Variants in CNTNAP1 observed in about 807,000 individuals in gnomAD.
CNTNAP1 encodes contactin associated protein 1, also known as contactin-associated protein 1.
Under a neutral mutation model 161.5 loss-of-function variants are expected in CNTNAP1, and 80 were observed. That is an observed-to-expected ratio of 0.50 (90% CI 0.41 to 0.60). The LOEUF (loss-of-function observed/expected upper bound fraction) is 0.60, where lower values mean the gene tolerates loss of function less well. Among genes scored for constraint, CNTNAP1 ranks in the 20% least tolerant of loss-of-function variants. CNTNAP1 has a pLI of 0.00. For missense variants in CNTNAP1, 1,464 were observed against 1,854.8 expected (o/e 0.79, Z 3.87); for synonymous variants, 695 against 733.1 (o/e 0.95, Z 0.84).
chr17:42,689,425 G>A (rs2143659619), intron 10 of CNTNAP1, 96 bp from the exon 11 acceptor site: 5 of 965,264 alleles, frequency 5.2e-6, no homozygotes, highest in Non-Finnish European at 7.9e-6. Context: ...CCGGGTTCTG[G>A]GGCTTCAAGG....
Position 42,687,171 on chromosome 17 carries a change from C to T in CNTNAP1, c.1044+125C>T, listed in dbSNP as rs2053029127. On this transcript the variant is annotated intron_variant, in intron 7 of 23. Coordinates refer to ENST00000264638, the MANE Select transcript of CNTNAP1 (RefSeq NM_003632.3). This position sits in a 1 kb window ranked among gnomAD's most constrained non-coding sequence, Gnocchi z 4.7. ...GAATCCCTCTGTCCCCAGCCAGATG[C>T]TCAAGTTGGGAGGGGAGCGGGTCTC... 2.0e-5 allele frequency: 27 copies of T among 1,375,178 alleles called. No homozygotes were observed. Among genetic ancestry groups the T allele is most frequent in the Admixed American group, 1.1e-4 (5 of 44,244 alleles). The allele number at this position is 1,375,178 out of a possible 1,614,324, so 85.2% of individuals were successfully genotyped here.
chr17:42,687,173 C>G lies in CNTNAP1; in HGVS notation c.1044+127C>G, dbSNP rs2053029164. ...ATCCCTCTGTCCCCAGCCAGATGCT[C>G]AAGTTGGGAGGGGAGCGGGTCTCAC... On this transcript the variant is annotated intron_variant, in intron 7 of 23. Transcript: ENST00000264638. This position sits in a 1 kb window ranked among gnomAD's most constrained non-coding sequence, Gnocchi z 4.7. 7.3e-7 allele frequency: 1 copy of G among 1,366,730 alleles called. No homozygotes were observed. The highest frequency in any genetic ancestry group is 1.4e-5 in the African/African-American group (1 of 69,490). The allele number at this position is 1,366,730 out of a possible 1,614,324, so 84.7% of individuals were successfully genotyped here.
chr17:42,699,030 C>G lies in CNTNAP1; in HGVS notation c.*120C>G, dbSNP rs993415984. 7.1e-5 allele frequency: 56 copies of G among 792,566 alleles called. No homozygotes were observed. Among genetic ancestry groups the G allele is most frequent in the Non-Finnish European group, 1.0e-4 (54 of 531,618 alleles). The allele number at this position is 792,566 out of a possible 1,614,324, so 49.1% of individuals were successfully genotyped here. On this transcript the variant is annotated 3_prime_UTR_variant, in exon 24 of 24. Coordinates refer to ENST00000264638, the MANE Select transcript of CNTNAP1 (RefSeq NM_003632.3). ...GGCTCTGCTCATCCAGAGGATATTC[C>G]CCCATCCCCCCCCCATCAAGTTTGG... is the stretch of plus-strand genomic sequence containing the variant.
chr17:42,691,046 A>C lies in CNTNAP1; in HGVS notation c.2060-91A>C. 1 of 1,596,046 alleles carries C rather than the reference A, an allele frequency of 6.3e-7. No homozygotes were observed. On this transcript the variant is annotated intron_variant, in intron 13 of 23. Transcript: ENST00000264638. This position sits in a 1 kb window ranked among gnomAD's most constrained non-coding sequence, Gnocchi z 4.3. ...GCTGGGGCCTTGGGTTGGAAGATTC[A>C]AGGAGGGGTCTGAACTCGCTGGAAG...
chr17:42,683,966 G>T (rs769135707), intron 2 of CNTNAP1, 44 bp downstream of exon 2: 1 of 1,613,110 alleles, frequency 6.2e-7, no homozygotes, highest in Non-Finnish European at 8.5e-7. Flanking sequence ...AGCGCACCGC[G>T]GAAGGGTGGG....
Position 42,688,410 on chromosome 17 carries a change from C to T in CNTNAP1, c.1307-52C>T, listed in dbSNP as rs1001980689. ...CTGCTTCCCCACTCAGAACATTCTTCTACCCTAGTTGCTGCTTCCCTCCAC... is the reference window on the plus strand; with the variant it reads ...CTGCTTCCCCACTCAGAACATTCTTTTACCCTAGTTGCTGCTTCCCTCCAC... On this transcript the variant is annotated intron_variant, in intron 8 of 23. Coordinates refer to ENST00000264638, the MANE Select transcript of CNTNAP1 (RefSeq NM_003632.3). 9.3e-6 allele frequency: 15 copies of T among 1,612,520 alleles called. No homozygotes were observed. The East Asian group carries it at 2.0e-4, about 22-fold the overall frequency.
intron 20 of CNTNAP1, 93 bp downstream of exon 20, chr17:42,696,245 A>G: frequency 6.7e-7 from 1 of 1,496,490 alleles, no homozygotes; most frequent in Non-Finnish European, 9.2e-7. Flanking sequence ...ATATTTGTAG[A>G]TCACATTTGA....
Position 42,692,484 on chromosome 17 carries a change from C to CA in CNTNAP1, c.2531-14dup. 6.2e-7 allele frequency: 1 copy of CA among 1,609,368 alleles called. No individual in the cohort carries two copies. The highest frequency in any genetic ancestry group is 8.5e-7 in the Non-Finnish European group (1 of 1,176,224). On this transcript the variant is annotated splice_polypyrimidine_tract_variant and intron_variant, in intron 16 of 23. Transcript: ENST00000264638. ...CTGAGTCCTTTTCTCCCCTACCCTGCATCACACTGTCCAGCATCCCGGGAT... is the reference window on the plus strand; with the variant it reads ...CTGAGTCCTTTTCTCCCCTACCCTGCAATCACACTGTCCAGCATCCCGGGAT...
chr17:42,691,266 G>GC lies in CNTNAP1; in HGVS notation c.2190dup (p.Asn731GlnfsTer3). 1.9e-6 allele frequency: 3 copies of GC among 1,614,202 alleles called. No individual in the cohort carries two copies. The highest frequency in any genetic ancestry group is 2.5e-6 in the Non-Finnish European group (3 of 1,180,032). On this transcript the variant is annotated frameshift_variant, in exon 14 of 24. Coordinates refer to ENST00000264638, the MANE Select transcript of CNTNAP1 (RefSeq NM_003632.3). LOFTEE classifies it high-confidence loss of function. This position sits in a 1 kb window ranked among gnomAD's most constrained non-coding sequence, Gnocchi z 4.3. ...AGCTGTGTGGACCCTGCCTTGTACT[G>GC]CAACTGTGACGCTGACCAGCCCCAG...
chr17:42,685,556 T>G lies in CNTNAP1; in HGVS notation c.715+136T>G, dbSNP rs866731682. The G allele has an allele frequency of 2.6e-5, 21 of 805,218 alleles. No individual in the cohort carries two copies. The highest frequency in any genetic ancestry group is 2.4e-4 in the African/African-American group (14 of 57,942). The allele number at this position is 805,218 out of a possible 1,614,324, so 49.9% of individuals were successfully genotyped here. A position where few individuals can be genotyped will look rare whatever the true frequency, so the allele number is the denominator to read the frequency against. On this transcript the variant is annotated intron_variant, in intron 5 of 23. Transcript: ENST00000264638. The surrounding 1 kb of genome is among the most constrained non-coding windows in gnomAD (Gnocchi z 5.0). ...TAAGGCCTGGACCAAACTGCCCCTT[T>G]CTTGTAGCATTTGGTGCTAGCAAAA...
At position 42,687,604 on chromosome 17, in the gene CNTNAP1, C is replaced by A; in HGVS notation, c.1045-116C>A. 7.4e-7 allele frequency: 1 copy of A among 1,358,766 alleles called. No homozygotes were observed. Among genetic ancestry groups the A allele is most frequent in the Non-Finnish European group, 1.0e-6 (1 of 983,554 alleles). 84.2% of individuals were successfully genotyped at this position (1,358,766 alleles called of 1,614,324 possible). The stretch of plus-strand genomic sequence containing the variant: ...TCACGTCATGGTTGGAGATCTCACC[C>A]CCGCCAACACCGAAGGAGGGCGGTG... On this transcript the variant is annotated intron_variant, in intron 7 of 23. Coordinates refer to ENST00000264638, the MANE Select transcript of CNTNAP1 (RefSeq NM_003632.3). The surrounding 1 kb of genome is among the most constrained non-coding windows in gnomAD (Gnocchi z 4.7).
chr17:42,697,867 G>A, intron 22 of CNTNAP1, 36 bp from the exon 23 acceptor site: 2 of 1,614,160 alleles, frequency 1.2e-6, no homozygotes, highest in South Asian at 2.2e-5. Flanking sequence ...TTAACATGGA[G>A]GAGGCATCTC....
In CNTNAP1 at chr17:42,682,653, AAG is replaced by A. The variant is rs2052949861; in HGVS notation, c.-170_-169del. On this transcript the variant is annotated 5_prime_UTR_variant, in exon 1 of 24. Transcript: ENST00000264638. ...AGGAACCAGAGAGAGAGAGAGAGAA[AAG>A]AGAGAGGAGAGACAGAGCGCTTGGG... 8.1e-6 allele frequency: 5 copies of A among 619,962 alleles called. No homozygotes were observed. The highest frequency in any genetic ancestry group is 5.5e-5 in the South Asian group (3 of 54,108). 38.4% of individuals were successfully genotyped at this position (619,962 alleles called of 1,614,324 possible).
At position 42,685,011 on chromosome 17, in the gene CNTNAP1, C is replaced by A; in HGVS notation, c.384C>A (p.Asn128Lys). The A allele has an allele frequency of 6.2e-7, 1 of 1,606,222 alleles. No individual in the cohort carries two copies. The highest frequency in any genetic ancestry group is 1.1e-5 in the South Asian group (1 of 89,862). Residue 128 changes from asparagine (N) to lysine (K), a missense_variant, in exon 4 of 24, where the codon AAC (asparagine) becomes AAA (lysine). Asn to Lys is a moderately conservative substitution (Grantham distance 94). Around this residue, in one of 3 missense-constraint regions of CNTNAP1, gnomAD observed 1,383 missense variants for 1,765.0 expected, o/e 0.78. Coordinates refer to ENST00000264638, the MANE Select transcript of CNTNAP1 (RefSeq NM_003632.3). The surrounding 1 kb of genome is among the most constrained non-coding windows in gnomAD (Gnocchi z 5.0). ...CGCAGACCTTCTTTGGTAACGTGAA[C>A]GAGTCGGCGGTGGTGCGCCATGACC... The part of the protein sequence containing the change: ...GHNSTFFGNV[N>K]ESAVVRHDLH...
In CNTNAP1 at chr17:42,689,513, T is replaced by C. The variant is rs777178329; in HGVS notation, c.1629-8T>C. 2.1e-5 allele frequency: 34 copies of C among 1,611,350 alleles called. No homozygotes were observed. In the Admixed American group the frequency reaches 5.7e-4, roughly 27 times the overall value. ...GGCTCCTTCCCTTGGTCCTGACCCCTTCCCTAGGTGCAGCCCTAACATGTG... is the reference window on the plus strand; with the variant it reads ...GGCTCCTTCCCTTGGTCCTGACCCCCTCCCTAGGTGCAGCCCTAACATGTG... On this transcript the variant is annotated splice_region_variant and splice_polypyrimidine_tract_variant and intron_variant, in intron 10 of 23. Transcript: ENST00000264638.
chr17:42,686,151 T>G lies in CNTNAP1; in HGVS notation c.900+10T>G, dbSNP rs1230937905. 2.5e-6 allele frequency: 4 copies of G among 1,613,344 alleles called. No individual in the cohort carries two copies. The highest frequency in any genetic ancestry group is 3.4e-6 in the Non-Finnish European group (4 of 1,179,428). On this transcript the variant is annotated intron_variant, in intron 6 of 23. Coordinates refer to ENST00000264638, the MANE Select transcript of CNTNAP1 (RefSeq NM_003632.3). The stretch of plus-strand genomic sequence containing the variant: ...GAACCTGGACACTGAGGTGAGAGAC[T>G]AGGGAGGTGCTATTTCGTGGTAGGG...
intron 8 of CNTNAP1, 22 bp downstream of exon 8, chr17:42,688,003 C>A (rs1324263335): frequency 6.8e-6 from 11 of 1,607,232 alleles, no homozygotes; most frequent in Non-Finnish European, 9.3e-6. Flanking sequence ...TCGGGGGAGG[C>A]ACAAGAAGAG....
At position 42,688,740 on chromosome 17, in the gene CNTNAP1, G is replaced by T. The variant is rs142803670; in HGVS notation, c.1456+129G>T. 2.4e-4 allele frequency: 368 copies of T among 1,510,360 alleles called. No individual in the cohort carries two copies. The East Asian group carries it at 7.6e-3, about 31-fold the overall frequency. 93.6% of individuals were successfully genotyped at this position (1,510,360 alleles called of 1,614,324 possible). A position where few individuals can be genotyped will look rare whatever the true frequency, so the allele number is the denominator to read the frequency against. On this transcript the variant is annotated intron_variant, in intron 9 of 23. Transcript: ENST00000264638. Reference sequence around the variant, plus strand: ...CTCTTCCCCTCTGGGGCCTCAGGGAGTGGAAGGTCATTGCCATCTACACTT... The same window carrying T: ...CTCTTCCCCTCTGGGGCCTCAGGGATTGGAAGGTCATTGCCATCTACACTT...
chr17:42,697,662 G>T lies in CNTNAP1; in HGVS notation c.3677G>T (p.Arg1226Leu), dbSNP rs1481806507. The T allele has an allele frequency of 6.2e-7, 1 of 1,614,114 alleles. No homozygotes were observed. Among genetic ancestry groups the T allele is most frequent in the South Asian group, 1.1e-5 (1 of 91,076 alleles). ...NNVAPLKTHFRTPRPMTAELA... is the reference protein window; with the variant it reads ...NNVAPLKTHFLTPRPMTAELA... ...GTGGCTCCCCTCAAGACCCACTTCC[G>T]AACCCCTCGACCCATGACTGCTGAG... is the stretch of plus-strand genomic sequence containing the variant. The change falls in exon 22 of 24, where the codon CGA becomes CTA. Residue 1226 changes from arginine to leucine, a missense_variant. Arg to Leu is a moderately radical substitution (Grantham distance 102). Around this residue, in one of 3 missense-constraint regions of CNTNAP1, gnomAD observed 1,383 missense variants for 1,765.0 expected, o/e 0.78. Transcript: ENST00000264638.
Sources: gnomAD v4.1 joint callset for allele counts on GRCh38, gnomAD v4.1.1 for gene constraint, gnomAD v4.1.1 regional missense constraint, Gnocchi (gnomAD v3.1) non-coding constraint, MANE v1.5 for transcripts, NCBI Gene and HGNC (gene_info 2026-07-23, HGNC 2026-07-21) for gene names.